The following PIEZO2 variants were observed in gnomAD, a reference collection of about 807,000 sequenced individuals.
The protein encoded by PIEZO2 is piezo type mechanosensitive ion channel component 2, also known as piezo-type mechanosensitive ion channel component 2.
PIEZO2 carries 172 observed loss-of-function variants against 337.3 expected under a neutral mutation model. That is an observed-to-expected ratio of 0.51 (90% CI 0.45 to 0.58). The LOEUF is 0.58. Among genes scored for constraint, PIEZO2 ranks in the 20% least tolerant of loss-of-function variants. The pLI is 0.00. For synonymous variants in PIEZO2, 1,251 were observed against 1,228.5 expected, an observed-to-expected ratio of 1.02 and a Z score of -0.38; for missense variants, 3,028 against 3,391.3, an observed-to-expected ratio of 0.89 and a Z score of 2.66.
At position 11,131,655 on chromosome 18, in the gene PIEZO2, T is replaced by A. The variant is rs976801833; in HGVS notation, c.64+16870A>T. ...TGTGATTATATACTGATTAATGGGA[T>A]GTAGCCAATGTTTTGGCTGGATGGT... On this transcript the variant is annotated intron_variant, in intron 1 of 55. Coordinates refer to ENST00000674853, the MANE Select transcript of PIEZO2 (RefSeq NM_001378183.1). The surrounding 1 kb of genome is among the most constrained non-coding windows in gnomAD (Gnocchi z 5.3). Among the ~76,000 whole-genome samples the A allele has an allele frequency of 2.6e-5, 4 of 152,206 alleles. No homozygotes were observed. The highest frequency in any genetic ancestry group is 5.9e-5 in the Non-Finnish European group (4 of 68,036).
Position 10,682,405 on chromosome 18 carries a change from G to T in PIEZO2, c.7498-113C>A. 1 of 938,890 alleles carries T rather than the reference G, an allele frequency of 1.1e-6. No individual in the cohort carries two copies. Among genetic ancestry groups the T allele is most frequent in the Non-Finnish European group, 1.6e-6 (1 of 643,234 alleles). The allele number at this position is 938,890 out of a possible 1,614,324, so 58.2% of individuals were successfully genotyped here. ...CTGTGGTGCTGGGAACATGGATTTGGCCCTGAATCTTCTCTGTTCGCTCTG... is the reference window on the plus strand; with the variant it reads ...CTGTGGTGCTGGGAACATGGATTTGTCCCTGAATCTTCTCTGTTCGCTCTG... On this transcript the variant is annotated intron_variant, in intron 49 of 55. Transcript: ENST00000674853. This position sits in a 1 kb window ranked among gnomAD's most constrained non-coding sequence, Gnocchi z 5.6.
intron 36 of PIEZO2, among the ~76,000 whole-genome samples, chr18:10,720,231 T>TGTGC (rs1555631498): frequency 4.3e-4 from 61 of 140,574 alleles, no homozygotes; most frequent in African/African-American, 1.7e-3. Flanking sequence ...TATGTGTGTG[T>TGTGC]GTGTATATAT....
At chr18:11,103,262 A>T (rs2039471281) in intron 1 of PIEZO2, among the ~76,000 whole-genome samples, 1 of 152,180 alleles carries the variant, frequency 6.6e-6, no homozygotes, top group African/African-American at 2.4e-5. Flanking sequence ...AATTTTGATG[A>T]CCTTTTGACT....
At chr18:11,068,527 C>A (rs1390799095) in intron 1 of PIEZO2, among the ~76,000 whole-genome samples, 1 of 151,864 alleles carries the variant, frequency 6.6e-6, no homozygotes, top group African/African-American at 2.4e-5. Context: ...CTTATGGAAT[C>A]CAGCAAAAGC....
At position 11,104,111 on chromosome 18, in the gene PIEZO2, TATC is replaced by T. The variant is rs1490822325; in HGVS notation, c.65-37892_65-37890del. The stretch of plus-strand genomic sequence containing the variant: ...TAGGATGTTAAAATTGGATTCTTCT[TATC>T]ATAGCTTTCACTGGGATTGCAATAT... On this transcript the variant is annotated intron_variant, in intron 1 of 55. Coordinates refer to ENST00000674853, the MANE Select transcript of PIEZO2 (RefSeq NM_001378183.1). The surrounding 1 kb of genome is among the most constrained non-coding windows in gnomAD (Gnocchi z 4.6). Among the ~76,000 whole-genome samples the T allele has an allele frequency of 1.3e-5, 2 of 152,214 alleles. No individual in the cohort carries two copies. The highest frequency in any genetic ancestry group is 4.8e-5 in the African/African-American group (2 of 41,440).
At chr18:10,849,509 G>A (rs1160285427) in intron 7 of PIEZO2, among the ~76,000 whole-genome samples, 1 of 152,116 alleles carries the variant, frequency 6.6e-6, no homozygotes, top group Non-Finnish European at 1.5e-5. Context: ...GAGTCCTCCC[G>A]CCCCCGGCTC....
chr18:10,807,026 G>A, intron 8 of PIEZO2, 86 bp downstream of exon 8: 1 of 1,318,384 alleles, frequency 7.6e-7, no homozygotes, highest in Non-Finnish European at 1.0e-6. Context: ...GTATCGATTA[G>A]TCAGTAGAGA....
chr18:10,782,268 G>A (rs1461015919), intron 17 of PIEZO2, among the ~76,000 whole-genome samples: 3 of 41,536 alleles, frequency 7.2e-5, no homozygotes, highest in Non-Finnish European at 9.3e-5. Context: ...ATTATTATAT[G>A]TAAACAATTA....
At chr18:11,006,674 A>G (rs2035734910) in intron 2 of PIEZO2, among the ~76,000 whole-genome samples, 1 of 151,924 alleles carries the variant, frequency 6.6e-6, no homozygotes, top group African/African-American at 2.4e-5. Context: ...TATTCAGTCC[A>G]TTCTTTCCTT....
rs528682165 is a variant in PIEZO2 at position 11,056,507 on chromosome 18, T to G, written c.160+9620A>C. 2.0e-5 allele frequency among the ~76,000 whole-genome samples: 3 copies of G among 152,318 alleles called. No homozygotes were observed. In the East Asian group the frequency reaches 5.8e-4, roughly 29 times the overall value. On this transcript the variant is annotated intron_variant, in intron 2 of 55. Coordinates refer to ENST00000674853, the MANE Select transcript of PIEZO2 (RefSeq NM_001378183.1). ...TCAGATCTTCAAGTGTGTAATTATCTCAGTAGGTGAGGCCCCAACCAGAAA... is the reference window on the plus strand; with the variant it reads ...TCAGATCTTCAAGTGTGTAATTATCGCAGTAGGTGAGGCCCCAACCAGAAA...
intron 2 of PIEZO2, among the ~76,000 whole-genome samples, chr18:11,040,949 G>A (rs2037098361): frequency 6.6e-6 from 1 of 152,092 alleles, no homozygotes; most frequent in South Asian, 2.1e-4. Context: ...AATGGGGTGA[G>A]TGGGAATGGT....
chr18:10,788,423 AAAGAAAGGAAGGAAGG>A (rs1316675753), intron 15 of PIEZO2, among the ~76,000 whole-genome samples: 12 of 123,312 alleles, frequency 9.7e-5, no homozygotes, highest in Admixed American at 2.5e-4. Flanking sequence ...AAAAAAAAAG[AAAGAAAGGAAGGAAGG>A]AAGGAAGGAA....
At chr18:10,921,895 C>T (rs531115778) in intron 3 of PIEZO2, among the ~76,000 whole-genome samples, 11 of 152,056 alleles carry the variant, frequency 7.2e-5, no homozygotes, top group Non-Finnish European at 1.6e-4. Flanking sequence ...CCCCAGTCTC[C>T]CATAGCGCTC....
chr18:10,680,131 C>T, intron 52 of PIEZO2, 68 bp downstream of exon 52: 1 of 1,374,966 alleles, frequency 7.3e-7, no homozygotes, highest in South Asian at 1.4e-5. Context: ...CCACCACACC[C>T]TCCCTCCCCC....
chr18:11,148,469 AC>A lies in PIEZO2; in HGVS notation c.64+55del. Reference sequence around the variant, plus strand: ...CCTTCACTTTGTTAAGAAGTCCCCCACCCAGGCGCCCCCCTCGTCCTCCTCA... The same window carrying A: ...CCTTCACTTTGTTAAGAAGTCCCCCACCAGGCGCCCCCCTCGTCCTCCTCA... On this transcript the variant is annotated intron_variant, in intron 1 of 55. Coordinates refer to ENST00000674853, the MANE Select transcript of PIEZO2 (RefSeq NM_001378183.1). The surrounding 1 kb of genome is among the most constrained non-coding windows in gnomAD (Gnocchi z 5.2). The A allele has an allele frequency of 6.6e-7, 1 of 1,520,422 alleles. No individual in the cohort carries two copies. The highest frequency in any genetic ancestry group is 8.8e-7 in the Non-Finnish European group (1 of 1,132,116). The allele number at this position is 1,520,422 out of a possible 1,614,324, so 94.2% of individuals were successfully genotyped here.
intron 3 of PIEZO2, among the ~76,000 whole-genome samples, chr18:10,916,115 T>C (rs544032469): frequency 4.6e-5 from 7 of 152,150 alleles, no homozygotes; most frequent in African/African-American, 7.2e-5. Context: ...AGAGCACTGA[T>C]TGGTGCGTTT....
chr18:11,011,222 T>A (rs1567158), intron 2 of PIEZO2, among the ~76,000 whole-genome samples: 24,164 of 152,226 alleles, frequency 0.16, 2,025 homozygotes, highest in Admixed American at 0.22. Context: ...CAGTCATCTA[T>A]TCAACAGAAC....
intron 26 of PIEZO2, 85 bp from the exon 27 acceptor site, chr18:10,758,219 G>A: frequency 7.2e-7 from 1 of 1,384,206 alleles, no homozygotes; most frequent in South Asian, 1.4e-5. Context: ...CACAGCAACA[G>A]CCATTCCCCA....
At position 10,746,244 on chromosome 18, in the gene PIEZO2, G is replaced by C. The variant is rs973353534; in HGVS notation, c.4425-2013C>G. The stretch of plus-strand genomic sequence containing the variant: ...TTTAAACACTGCAAGGCCTTCCTAA[G>C]ACTGTGGGAGTATTTCTAAAGACAT... On this transcript the variant is annotated intron_variant, in intron 30 of 55. Coordinates refer to ENST00000674853, the MANE Select transcript of PIEZO2 (RefSeq NM_001378183.1). The surrounding 1 kb of genome is among the most constrained non-coding windows in gnomAD (Gnocchi z 4.2). Among the ~76,000 whole-genome samples the C allele has an allele frequency of 2.6e-5, 4 of 152,196 alleles. No homozygotes were observed. Among genetic ancestry groups the C allele is most frequent in the African/African-American group, 9.7e-5 (4 of 41,440 alleles).
Sources: gnomAD v4.1 joint callset for allele counts (sites outside exome capture counted in the v4.1 genomes callset) on GRCh38, gnomAD v4.1.1 for gene constraint, Gnocchi (gnomAD v3.1) non-coding constraint, MANE v1.5 for transcripts, NCBI Gene and HGNC (gene_info 2026-07-23, HGNC 2026-07-21) for gene names.